Variants in CADM2 observed in about 807,000 individuals in gnomAD.
The protein encoded by CADM2 is cell adhesion molecule 2.
A neutral mutation model predicts 49.8 loss-of-function variants in CADM2; 12 were observed. The observed-to-expected ratio is 0.24, with a 90% CI of 0.15 to 0.39. The LOEUF (loss-of-function observed/expected upper bound fraction) is 0.39. Ranked by LOEUF, CADM2 falls within the 10% of genes least tolerant of loss-of-function variation. CADM2 has a pLI of 1.00. For missense variants in CADM2, 378 were observed against 492.3 expected, an observed-to-expected ratio of 0.77 and a Z score of 2.20; for synonymous variants, 214 against 175.4, an observed-to-expected ratio of 1.22 and a Z score of -1.74.
chr3:85,107,090 T>A (rs916638430), intron 1 of CADM2, among the ~76,000 whole-genome samples: 3 of 152,154 alleles, frequency 2.0e-5, no homozygotes, highest in African/African-American at 7.2e-5. Flanking sequence ...TCATACACCA[T>A]CTATCGCTGT....
chr3:85,266,120 G>T (rs2043116944), intron 1 of CADM2, among the ~76,000 whole-genome samples: 1 of 151,852 alleles, frequency 6.6e-6, no homozygotes, highest in Non-Finnish European at 1.5e-5. Context: ...GCTATGCTCT[G>T]TTACCTGTCT....
chr3:86,063,123 C>T (rs1263057964), intron 8 of CADM2, among the ~76,000 whole-genome samples: 1 of 152,144 alleles, frequency 6.6e-6, no homozygotes, highest in Non-Finnish European at 1.5e-5. Flanking sequence ...CAAACCACTA[C>T]CACATCCCAT....
intron 1 of CADM2, among the ~76,000 whole-genome samples, chr3:85,710,417 C>T (rs1389917336): frequency 6.6e-6 from 1 of 151,978 alleles, no homozygotes; most frequent in Non-Finnish European, 1.5e-5. Flanking sequence ...CGCTATTTGT[C>T]CCAGAACATT....
chr3:85,452,652 C>T (rs1576582517), intron 1 of CADM2, among the ~76,000 whole-genome samples: 1 of 152,086 alleles, frequency 6.6e-6, no homozygotes, highest in Non-Finnish European at 1.5e-5. Context: ...AATTCTCTTT[C>T]GTTTGGACTC....
chr3:85,647,545 T>A (rs2064923830), intron 1 of CADM2, among the ~76,000 whole-genome samples: 1 of 151,738 alleles, frequency 6.6e-6, no homozygotes, highest in South Asian at 2.1e-4. Context: ...ACTTGTGAAA[T>A]TTTTTTGCAT....
chr3:85,362,538 A>T (rs913148482), intron 1 of CADM2, among the ~76,000 whole-genome samples: 7 of 152,192 alleles, frequency 4.6e-5, no homozygotes, highest in Non-Finnish European at 7.3e-5. Flanking sequence ...CATTAAAGTG[A>T]CATGCATATA....
intron 1 of CADM2, among the ~76,000 whole-genome samples, chr3:85,217,506 T>C (rs182578545): frequency 2.3e-4 from 35 of 152,070 alleles, no homozygotes; most frequent in Non-Finnish European, 4.7e-4. Context: ...AGCGGAGTTG[T>C]TTTTGAAATT....
intron 1 of CADM2, among the ~76,000 whole-genome samples, chr3:85,549,477 A>G (rs2061746719): frequency 6.6e-6 from 1 of 152,214 alleles, no homozygotes; most frequent in Non-Finnish European, 1.5e-5. Context: ...ATCGCCTAAC[A>G]GAGTTTGCCA....
At chr3:85,210,483 G>A (rs1317685091) in intron 1 of CADM2, among the ~76,000 whole-genome samples, 1 of 152,060 alleles carries the variant, frequency 6.6e-6, no homozygotes, top group African/African-American at 2.4e-5. Context: ...TATCTGGTAT[G>A]TACTGGCCTT....
At chr3:85,393,696 T>A (rs2034627733) in intron 1 of CADM2, among the ~76,000 whole-genome samples, 1 of 152,162 alleles carries the variant, frequency 6.6e-6, no homozygotes, top group Non-Finnish European at 1.5e-5. Context: ...AGCCCTCTGA[T>A]ACTAACCTTG....
intron 1 of CADM2, among the ~76,000 whole-genome samples, chr3:85,639,390 G>A (rs1395429747): frequency 1.3e-5 from 2 of 152,016 alleles, no homozygotes; most frequent in Admixed American, 6.6e-5. Flanking sequence ...ATCTGACATC[G>A]GGCATGAAAT....
At chr3:84,998,049 T>C (rs2033267702) in intron 1 of CADM2, among the ~76,000 whole-genome samples, 1 of 152,150 alleles carries the variant, frequency 6.6e-6, no homozygotes, top group Non-Finnish European at 1.5e-5. Context: ...CTTCTTAATG[T>C]GTTTATTGTA....
chr3:85,129,750 T>A (rs1390491988), intron 1 of CADM2, among the ~76,000 whole-genome samples: 2 of 152,226 alleles, frequency 1.3e-5, no homozygotes, highest in African/African-American at 4.8e-5. Flanking sequence ...TTTCTTGAAT[T>A]TGCTGTGATC....
rs527625991 is a variant in CADM2, at chr3:85,393,765, T to A, written c.62-332757T>A. On this transcript the variant is annotated intron_variant, in intron 1 of 9. Transcript: ENST00000383699. The stretch of plus-strand genomic sequence containing the variant: ...CGTAAATCTCCATTAAGATTTTTTT[T>A]AATAACGACATATTTGCTCTTATTT... Among the ~76,000 whole-genome samples, 61 of 152,176 alleles carry A rather than the reference T, an allele frequency of 4.0e-4. 1 individual carries two copies. The highest frequency in any genetic ancestry group is 3.5e-3 in the East Asian group (18 of 5,184).
chr3:85,097,522 G>C (rs997818587), intron 1 of CADM2, among the ~76,000 whole-genome samples: 3 of 152,174 alleles, frequency 2.0e-5, no homozygotes, highest in Non-Finnish European at 4.4e-5. Context: ...CCCAGCAATG[G>C]GATGGCCGGG....
chr3:85,931,421 G>T (rs1720574827), intron 6 of CADM2, among the ~76,000 whole-genome samples: 1 of 151,746 alleles, frequency 6.6e-6, no homozygotes, highest in South Asian at 2.1e-4. Context: ...CCAGCCTCGG[G>T]GACAGAGTGA....
chr3:85,063,115 T>C (rs1467982721), intron 1 of CADM2, among the ~76,000 whole-genome samples: 1 of 151,886 alleles, frequency 6.6e-6, no homozygotes, highest in Non-Finnish European at 1.5e-5. Flanking sequence ...TTTTAGGTTT[T>C]TTATGTAATT....
intron 3 of CADM2, among the ~76,000 whole-genome samples, chr3:85,834,722 T>C (rs2074329691): frequency 6.6e-6 from 1 of 150,552 alleles, no homozygotes; most frequent in Admixed American, 6.7e-5. Flanking sequence ...GGTTAAGTTT[T>C]CCTGTATCTT....
chr3:85,774,865 C>T (rs74389748), intron 2 of CADM2, among the ~76,000 whole-genome samples: 2,569 of 151,430 alleles, frequency 0.017, 97 homozygotes, highest in East Asian at 0.076. Flanking sequence ...ATTTCAACAC[C>T]GATAGAACCA....
Sources: gnomAD v4.1 joint callset for allele counts (sites outside exome capture counted in the v4.1 genomes callset) on GRCh38, gnomAD v4.1.1 for gene constraint, MANE v1.5 for transcripts, NCBI Gene and HGNC (gene_info 2026-07-23, HGNC 2026-07-21) for gene names.